Variants in NCAM1 observed in about 807,000 individuals in gnomAD.
NCAM1 encodes the protein antigen recognized by monoclonal antibody 5.1H11.
A neutral mutation model predicts 109.8 loss-of-function variants in NCAM1; 14 were observed. The observed-to-expected ratio is 0.13, with a 90% confidence interval of 0.08 to 0.20. The LOEUF (loss-of-function observed/expected upper bound fraction) is 0.20, where lower values mean the gene tolerates loss of function less well. Among genes scored for constraint, NCAM1 ranks in the 10% least tolerant of loss-of-function variants. NCAM1 has a pLI of 1.00. For synonymous variants in NCAM1, 418 were observed against 442.9 expected, an observed-to-expected ratio of 0.94 and a Z score of 0.70; for missense variants, 774 against 1,109.9, an observed-to-expected ratio of 0.70 and a Z score of 4.30.
rs782199666 is a variant in NCAM1 at position 113,232,241 on chromosome 11, G to T, written c.1312G>T (p.Val438Leu). The T allele has an allele frequency of 2.5e-6, 4 of 1,613,786 alleles. No homozygotes were observed. The highest frequency in any genetic ancestry group is 3.4e-6 in the Non-Finnish European group (4 of 1,179,876). The part of the protein sequence containing the change: ...EGNQVNITCE[V>L]FAYPSATISW... ...GAACCAGGTGAACATCACCTGCGAGGTATTTGCCTATCCCAGTGCCACGAT... is the reference window on the plus strand; with the variant it reads ...GAACCAGGTGAACATCACCTGCGAGTTATTTGCCTATCCCAGTGCCACGAT... The change falls in exon 11 of 20, where the codon GTA (valine) becomes TTA (leucine). Residue 438 changes from valine (V) to leucine (L), a missense_variant. By Grantham distance (32) the Val-to-Leu change is conservative (BLOSUM62 1). Around this residue, in one of 4 missense-constraint regions of NCAM1, gnomAD observed 523 missense variants for 784.2 expected, o/e 0.67. Coordinates refer to ENST00000316851, the MANE Select transcript of NCAM1 (RefSeq NM_181351.5).
intron 9 of NCAM1, among the ~76,000 whole-genome samples, chr11:113,229,892 T>C (rs567877251): frequency 1.3e-5 from 2 of 151,846 alleles, no homozygotes; most frequent in South Asian, 4.2e-4. Flanking sequence ...ATGAGAACAC[T>C]TGGACACAGA....
At chr11:113,049,196 T>C (rs1174710262) in intron 1 of NCAM1, among the ~76,000 whole-genome samples, 3 of 152,080 alleles carry the variant, frequency 2.0e-5, no homozygotes, top group Non-Finnish European at 2.9e-5. Flanking sequence ...ATGCACTAAA[T>C]GGCACTGAAC....
intron 7 of NCAM1, among the ~76,000 whole-genome samples, chr11:113,214,073 C>T (rs996970253): frequency 3.3e-5 from 5 of 152,224 alleles, no homozygotes; most frequent in African/African-American, 7.2e-5. Flanking sequence ...GCCCCAAAGC[C>T]GTTTCCTCTC....
chr11:113,237,284 G>T (rs1012017171), intron 14 of NCAM1, among the ~76,000 whole-genome samples: 1 of 152,198 alleles, frequency 6.6e-6, no homozygotes, highest in Non-Finnish European at 1.5e-5. Flanking sequence ...AGAAAAAAAG[G>T]TATTCAGGAA....
At position 113,276,985 on chromosome 11, in the gene NCAM1, C is replaced by T. The variant is rs1555126743; in HGVS notation, c.*1598C>T. ...TTGTCATAGTATTGAAATAAAACTTCAACATAGTTTGGTTGTGGAAGGTAT... is the reference window on the plus strand; with the variant it reads ...TTGTCATAGTATTGAAATAAAACTTTAACATAGTTTGGTTGTGGAAGGTAT... On this transcript the variant is annotated 3_prime_UTR_variant, in exon 20 of 20. Transcript: ENST00000316851. 1.0e-5 allele frequency: 2 copies of T among 199,364 alleles called. No homozygotes were observed. The highest frequency in any genetic ancestry group is 4.6e-5 in the African/African-American group (2 of 43,328). The allele number at this position is 199,364 out of a possible 1,614,324, so 12.3% of individuals were successfully genotyped here.
At chr11:113,012,070 G>A (rs1221938875) in intron 1 of NCAM1, among the ~76,000 whole-genome samples, 4 of 148,410 alleles carry the variant, frequency 2.7e-5, no homozygotes, top group African/African-American at 1.0e-4. Flanking sequence ...CCAGGCTGGA[G>A]TGCAGTGGCG....
chr11:113,021,518 C>T (rs1220346619), intron 1 of NCAM1, among the ~76,000 whole-genome samples: 3 of 152,188 alleles, frequency 2.0e-5, no homozygotes, highest in African/African-American at 7.2e-5. Flanking sequence ...TGTTTGTTTT[C>T]ATCCTTCCTA....
chr11:113,191,981 A>G (rs1943692311), intron 1 of NCAM1, among the ~76,000 whole-genome samples: 1 of 152,258 alleles, frequency 6.6e-6, no homozygotes, highest in Non-Finnish European at 1.5e-5. Context: ...GCATGCTAGC[A>G]TTCTCTGAAT....
At chr11:112,984,852 CT>C (rs2134725373) in intron 1 of NCAM1, among the ~76,000 whole-genome samples, 1 of 151,900 alleles carries the variant, frequency 6.6e-6, no homozygotes, top group South Asian at 2.1e-4. Flanking sequence ...CATAGACTTC[CT>C]TTTCTATTTT....
rs1234979255 is a variant in NCAM1 at position 112,963,481 on chromosome 11, G to C, written c.52+1817G>C. On this transcript the variant is annotated intron_variant, in intron 1 of 19. Coordinates refer to ENST00000316851, the MANE Select transcript of NCAM1 (RefSeq NM_181351.5). This position sits in a 1 kb window ranked among gnomAD's most constrained non-coding sequence, Gnocchi z 4.6. ...GCGCTGACCGGCCGACCGCGGGCCGGGGGCTCTACTGACGGCGGGGCGGGG... is the reference window on the plus strand; with the variant it reads ...GCGCTGACCGGCCGACCGCGGGCCGCGGGCTCTACTGACGGCGGGGCGGGG... The C allele has an allele frequency of 6.6e-6, 1 of 152,214 alleles. No individual in the cohort carries two copies. Among genetic ancestry groups the C allele is most frequent in the African/African-American group, 2.4e-5 (1 of 41,452 alleles). 9.4% of individuals were successfully genotyped at this position (152,214 alleles called of 1,614,324 possible). A position where few individuals can be genotyped will look rare whatever the true frequency, so the allele number is the denominator to read the frequency against.
chr11:112,974,559 A>G (rs570892228), intron 1 of NCAM1, among the ~76,000 whole-genome samples: 8 of 152,170 alleles, frequency 5.3e-5, no homozygotes, highest in African/African-American at 1.9e-4. Flanking sequence ...CAGGCACGGT[A>G]TAAGTCCAAC....
intron 15 of NCAM1, among the ~76,000 whole-genome samples, chr11:113,250,076 A>G (rs1945625884): frequency 6.6e-6 from 1 of 152,218 alleles, no homozygotes; most frequent in African/African-American, 2.4e-5. Context: ...CTCAGGCACA[A>G]GCAAGGCCTT....
intron 1 of NCAM1, among the ~76,000 whole-genome samples, chr11:112,973,015 A>G (rs1210699194): frequency 6.6e-6 from 1 of 152,152 alleles, no homozygotes; most frequent in African/African-American, 2.4e-5. Context: ...GGAAATGAAT[A>G]AAGTTAAGGG....
At chr11:113,244,884 C>T (rs1290237334) in intron 14 of NCAM1, among the ~76,000 whole-genome samples, 1 of 152,164 alleles carries the variant, frequency 6.6e-6, no homozygotes, top group Non-Finnish European at 1.5e-5. Flanking sequence ...TAAAGCATTT[C>T]TCTCAGGTTA....
At position 113,143,418 on chromosome 11, in the gene NCAM1, A is replaced by C. The variant is rs557405411; in HGVS notation, c.53-58961A>C. Among the ~76,000 whole-genome samples, 338 of 152,314 alleles carry C rather than the reference A, an allele frequency of 2.2e-3. 2 individuals carry two copies. The highest frequency in any genetic ancestry group is 7.8e-3 in the African/African-American group (323 of 41,568). ...TTTACTTGGTAGTAAATGGCGCCGG[A>C]TATGTTAAAGTTGTAAAATATAGAA... is the stretch of plus-strand genomic sequence containing the variant. On this transcript the variant is annotated intron_variant, in intron 1 of 19. Transcript: ENST00000316851.
Position 113,263,471 on chromosome 11 carries a change from G to C in NCAM1, c.2131+3148G>C, listed in dbSNP as rs150440580. 20 of 985,866 alleles carry C rather than the reference G, an allele frequency of 2.0e-5. No individual in the cohort carries two copies. The East Asian group carries it at 1.9e-3, about 95-fold the overall frequency. The allele number at this position is 985,866 out of a possible 1,614,324, so 61.1% of individuals were successfully genotyped here. ...ATTCACATGAGCGTTTTGCTGACAT[G>C]ATGGGCAACTGAAGTCACCCCTGTT... is the stretch of plus-strand genomic sequence containing the variant. On this transcript the variant is annotated intron_variant, in intron 17 of 19. Transcript: ENST00000316851.
chr11:113,207,692 T>G (rs1944277048), intron 6 of NCAM1, 141 bp from the exon 7 acceptor site: 1 of 893,140 alleles, frequency 1.1e-6, no homozygotes, highest in African/African-American at 1.7e-5. Context: ...ATGTGGACGT[T>G]CAACTTGGTG....
At chr11:113,108,815 G>A (rs1243509143) in intron 1 of NCAM1, among the ~76,000 whole-genome samples, 4 of 145,178 alleles carry the variant, frequency 2.8e-5, no homozygotes, top group Non-Finnish European at 6.0e-5. Flanking sequence ...TCACCCTGTC[G>A]CCCAGGCTAG....
chr11:113,101,408 C>T (rs189801488), intron 1 of NCAM1, among the ~76,000 whole-genome samples: 377 of 152,292 alleles, frequency 2.5e-3, no homozygotes, highest in Non-Finnish European at 3.9e-3. Context: ...TGGTTATTTT[C>T]CTTTGTTACT....
Sources: gnomAD v4.1 joint callset for allele counts (sites outside exome capture counted in the v4.1 genomes callset) on GRCh38, gnomAD v4.1.1 for gene constraint, gnomAD v4.1.1 regional missense constraint, Gnocchi (gnomAD v3.1) non-coding constraint, MANE v1.5 for transcripts, NCBI Gene and HGNC (gene_info 2026-07-23, HGNC 2026-07-21) for gene names.